Variants in LTN1 observed in about 807,000 individuals in gnomAD.
LTN1 encodes listerin E3 ubiquitin protein ligase 1, also known as E3 ubiquitin-protein ligase listerin.
Under a neutral mutation model 201.2 loss-of-function variants are expected in LTN1, and 88 were observed. The ratio of observed to expected loss-of-function variants is 0.44; its 90% CI spans 0.37 to 0.52. The LOEUF is 0.52. Ranked by LOEUF, LTN1 falls within the 20% of genes least tolerant of loss-of-function variation. The pLI is 0.00. For synonymous variants in LTN1, 645 were observed against 713.5 expected (o/e 0.90, Z 1.53); for missense variants, 1,752 against 2,038.7 (o/e 0.86, Z 2.71).
intron 6 of LTN1, 105 bp downstream of exon 6, chr21:28,981,014 T>C (rs894139780): frequency 1.0e-5 from 6 of 593,266 alleles, no homozygotes; most frequent in Admixed American, 7.6e-5. Context: ...ACCACACAGA[T>C]GTGCTTGCAG....
chr21:28,972,509 G>A (rs927356073), intron 6 of LTN1, among the ~76,000 whole-genome samples: 1 of 152,168 alleles, frequency 6.6e-6, no homozygotes, highest in Non-Finnish European at 1.5e-5. Flanking sequence ...TGCAGATATG[G>A]AAGGCTGACT....
intron 25 of LTN1, among the ~76,000 whole-genome samples, chr21:28,937,527 T>C (rs1391496823): frequency 6.6e-6 from 1 of 152,156 alleles, no homozygotes; most frequent in African/African-American, 2.4e-5. Context: ...TTGTGTAAAA[T>C]ATAGCATTTT....
At chr21:28,941,789 C>T (rs1473023627) in intron 24 of LTN1, among the ~76,000 whole-genome samples, 1 of 152,274 alleles carries the variant, frequency 6.6e-6, no homozygotes, top group African/African-American at 2.4e-5. Context: ...AGACTTCGAA[C>T]TTTGTCACTT....
intron 6 of LTN1, among the ~76,000 whole-genome samples, chr21:28,973,821 G>GT (rs1473564864): frequency 6.6e-6 from 1 of 152,178 alleles, no homozygotes; most frequent in Non-Finnish European, 1.5e-5. Context: ...GGTATTGGGT[G>GT]TAAGGATAGA....
chr21:28,968,850 A>G (rs2084547608), intron 9 of LTN1, among the ~76,000 whole-genome samples: 1 of 151,188 alleles, frequency 6.6e-6, no homozygotes, highest in Admixed American at 6.6e-5. Context: ...CAGGTGATCC[A>G]CCCACCTCGG....
intron 12 of LTN1, 53 bp downstream of exon 12, chr21:28,960,464 A>G: frequency 1.4e-6 from 2 of 1,419,092 alleles, no homozygotes. Flanking sequence ...AATCCCCCAC[A>G]AAGGAGAAAT....
At position 28,965,845 on chromosome 21, in the gene LTN1, A is replaced by G; in HGVS notation, c.2163+20T>C. ...TCCCATAAATACAAAAAAAAAAAGAAAAAAAAATCCCTAAGATACCTTTTC... is the reference window on the plus strand; with the variant it reads ...TCCCATAAATACAAAAAAAAAAAGAGAAAAAAATCCCTAAGATACCTTTTC... On this transcript the variant is annotated intron_variant, in intron 11 of 29. Transcript: ENST00000361371. The G allele has an allele frequency of 7.3e-7, 1 of 1,369,084 alleles. No homozygotes were observed. 84.8% of individuals were successfully genotyped at this position (1,369,084 alleles called of 1,614,324 possible). A position where few individuals can be genotyped will look rare whatever the true frequency, so the allele number is the denominator to read the frequency against.
chr21:28,962,857 C>A (rs1490843776), intron 11 of LTN1, among the ~76,000 whole-genome samples: 1 of 152,170 alleles, frequency 6.6e-6, no homozygotes, highest in Non-Finnish European at 1.5e-5. Context: ...CCAAGAGTAA[C>A]AGAAAGTGAC....
intron 17 of LTN1, 88 bp from the exon 18 acceptor site, chr21:28,952,352 A>G: frequency 1.4e-6 from 1 of 739,172 alleles, no homozygotes; most frequent in Non-Finnish European, 2.2e-6. Context: ...TTCCTTTTAC[A>G]GAATTAAATA....
In LTN1 at chr21:28,943,329, G is replaced by A. The variant is rs755710199; in HGVS notation, c.4228C>T (p.Pro1410Ser). 1 of 1,578,952 alleles carries A rather than the reference G, an allele frequency of 6.3e-7. No homozygotes were observed. Among genetic ancestry groups the A allele is most frequent in the Non-Finnish European group, 8.7e-7 (1 of 1,152,542 alleles). ...TCCTGATCATACTGTGGTAATTCAG[G>A]CATCAATCTAGAAATTAGAACATTA... ...AVYHMLYKLM[P>S]ELPQYDQDNL... is the part of the protein sequence containing the mutation. Residue 1410 changes from proline (P) to serine (S), a missense_variant, in exon 24 of 30, where the codon CCT (proline) becomes TCT (serine). By Grantham distance (74) the Pro-to-Ser change is moderately conservative. Coordinates refer to ENST00000361371, the MANE Select transcript of LTN1 (RefSeq NM_015565.3).
intron 10 of LTN1, 116 bp downstream of exon 10, chr21:28,966,254 A>G (rs1408103463): frequency 1.2e-6 from 1 of 846,902 alleles, no homozygotes; most frequent in African/African-American, 1.7e-5. Context: ...GATCAAGAAT[A>G]TATTGCTTGT....
At chr21:28,960,045 T>A (rs912399073) in intron 12 of LTN1, among the ~76,000 whole-genome samples, 1 of 151,920 alleles carries the variant, frequency 6.6e-6, no homozygotes, top group Non-Finnish European at 1.5e-5. Flanking sequence ...TGAAGATTAA[T>A]AAACAATTAG....
intron 19 of LTN1, among the ~76,000 whole-genome samples, chr21:28,947,066 T>C (rs1601173471): frequency 1.3e-5 from 2 of 152,334 alleles, no homozygotes; most frequent in Admixed American, 1.3e-4. Context: ...TTGTCTTCTC[T>C]ACAATAGGAA....
At position 28,969,589 on chromosome 21, in the gene LTN1, C is replaced by T; in HGVS notation, c.1188G>A (p.Glu396=). 6.2e-7 allele frequency: 1 copy of T among 1,600,392 alleles called. No homozygotes were observed. The highest frequency in any genetic ancestry group is 8.5e-7 in the Non-Finnish European group (1 of 1,174,976). ...LTSLVAGLST[E]RTKTSSLESS... ...ACTCTAAAGAGCTGGTTTTAGTTCT[C>T]TCTGTTGACAGCCTAAGAAATAATT... Residue 396 remains glutamate (E), a synonymous_variant, in exon 9 of 30, where the codon GAG becomes GAA. Coordinates refer to ENST00000361371, the MANE Select transcript of LTN1 (RefSeq NM_015565.3).
chr21:28,992,124 G>T (rs1354490600), intron 1 of LTN1, among the ~76,000 whole-genome samples: 1 of 152,190 alleles, frequency 6.6e-6, no homozygotes, highest in African/African-American at 2.4e-5. Flanking sequence ...TACCAAGAGG[G>T]TGATCATGGG....
intron 1 of LTN1, among the ~76,000 whole-genome samples, chr21:28,990,323 C>T (rs570222459): frequency 6.6e-6 from 1 of 152,234 alleles, no homozygotes; most frequent in Non-Finnish European, 1.5e-5. Context: ...AAAATCCCAA[C>T]TCCACAACTT....
At chr21:28,964,885 G>A in intron 11 of LTN1, 1 of 1,335,040 alleles carries the variant, frequency 7.5e-7, no homozygotes, top group Non-Finnish European at 9.8e-7. Context: ...CTTGGCTACA[G>A]GGAGAGAAGG....
chr21:28,960,470 G>A (rs2084467342), intron 12 of LTN1, 47 bp downstream of exon 12: 1 of 1,440,754 alleles, frequency 6.9e-7, no homozygotes, highest in East Asian at 2.3e-5. Context: ...CCACAAAGGA[G>A]AAATGGACTA....
rs2084192987 is a variant in LTN1, at chr21:28,929,331, C to A, written c.*1117G>T. On this transcript the variant is annotated 3_prime_UTR_variant, in exon 30 of 30. Coordinates refer to ENST00000361371, the MANE Select transcript of LTN1 (RefSeq NM_015565.3). ...AATGGAAGACTGCAATAAAATTATT[C>A]CAAGTTCTAAAGTTCCACACTTTTA... 1 of 152,484 alleles carries A rather than the reference C, an allele frequency of 6.6e-6. No homozygotes were observed. The highest frequency in any genetic ancestry group is 1.5e-5 in the Non-Finnish European group (1 of 67,960). 9.4% of individuals were successfully genotyped at this position (152,484 alleles called of 1,614,324 possible).
Sources: gnomAD v4.1 joint callset for allele counts (sites outside exome capture counted in the v4.1 genomes callset) on GRCh38, gnomAD v4.1.1 for gene constraint, MANE v1.5 for transcripts, NCBI Gene and HGNC (gene_info 2026-07-23, HGNC 2026-07-21) for gene names.